PPP2R2C: variants seen among roughly 807,000 people sequenced by gnomAD.
The protein encoded by PPP2R2C is protein phosphatase 2, regulatory subunit B, gamma.
In PPP2R2C, 10 loss-of-function variants were observed where a neutral mutation model predicts 45.3. The ratio of observed to expected loss-of-function variants is 0.22; its 90% CI spans 0.14 to 0.37. The LOEUF (loss-of-function observed/expected upper bound fraction) is 0.37. Ranked by LOEUF, PPP2R2C falls within the 10% of genes least tolerant of loss-of-function variation. PPP2R2C has a pLI of 1.00. For synonymous variants in PPP2R2C, 257 were observed against 245.4 expected (o/e 1.05, Z -0.44); for missense variants, 308 against 619.7 (o/e 0.50, Z 5.34).
chr4:6,348,014 G>T lies in PPP2R2C; in HGVS notation c.626-4C>A. The T allele has an allele frequency of 6.2e-7, 1 of 1,613,426 alleles. No individual in the cohort carries two copies. Among genetic ancestry groups the T allele is most frequent in the Non-Finnish European group, 8.5e-7 (1 of 1,179,608 alleles). On this transcript the variant is annotated splice_region_variant and splice_polypyrimidine_tract_variant and intron_variant, in intron 5 of 8. Coordinates refer to ENST00000382599, the MANE Select transcript of PPP2R2C (RefSeq NM_020416.4). Reference sequence around the variant, plus strand: ...GCCGGCTTGATGTCCACGATGTCTGGGGGCAGTGCGGTCAAGGAAGGGGCA... The same window carrying T: ...GCCGGCTTGATGTCCACGATGTCTGTGGGCAGTGCGGTCAAGGAAGGGGCA...
intron 1 of PPP2R2C, among the ~76,000 whole-genome samples, chr4:6,561,608 C>T (rs1174428761): frequency 6.6e-6 from 1 of 152,094 alleles, no homozygotes; most frequent in Non-Finnish European, 1.5e-5. Flanking sequence ...TGGCTACACA[C>T]ACGGAGAGAG....
chr4:6,474,752 G>C (rs1158797547), upstream of PPP2R2C, among the ~76,000 whole-genome samples: 1 of 88,002 alleles, frequency 1.1e-5, no homozygotes, highest in Non-Finnish European at 2.0e-5. Context: ...CCCACCACAA[G>C]CAGTGTCTGG....
intron 2 of PPP2R2C, among the ~76,000 whole-genome samples, chr4:6,379,717 T>C (rs894863645): frequency 2.0e-5 from 3 of 152,220 alleles, no homozygotes; most frequent in Non-Finnish European, 4.4e-5. Context: ...AGGAACTGAT[T>C]GGCAGCTAGG....
At chr4:6,382,492 C>G (rs1346780208) in intron 1 of PPP2R2C, 1 of 1,351,958 alleles carries the variant, frequency 7.4e-7, no homozygotes, top group African/African-American at 1.5e-5. Context: ...TCCCTCTATT[C>G]AAAACCCTTC....
intron 1 of PPP2R2C, among the ~76,000 whole-genome samples, chr4:6,541,238 A>AT (rs371690665): frequency 3.0e-4 from 46 of 152,296 alleles, no homozygotes; most frequent in African/African-American, 9.4e-4. Flanking sequence ...CAGCCCCCTG[A>AT]TTTAAGTCAG....
At chr4:6,384,962 A>C in intron 1 of PPP2R2C, 1 of 592,362 alleles carries the variant, frequency 1.7e-6, no homozygotes, top group Non-Finnish European at 2.1e-6. Flanking sequence ...TAGTGTGCTT[A>C]TGGTGGAGCC....
chr4:6,475,744 T>A (rs1722119206), upstream of PPP2R2C, among the ~76,000 whole-genome samples: 2 of 152,254 alleles, frequency 1.3e-5, no homozygotes, highest in Admixed American at 1.3e-4. Flanking sequence ...TGTCTCCCTG[T>A]GCTTCTGTGC....
chr4:6,557,762 G>A (rs1421846405), intron 1 of PPP2R2C, among the ~76,000 whole-genome samples: 1 of 152,166 alleles, frequency 6.6e-6, no homozygotes, highest in Non-Finnish European at 1.5e-5. Context: ...CTTGACCTGG[G>A]GTAGTAGAGA....
rs1731791779 is a variant in PPP2R2C at position 6,324,524 on chromosome 4, C to G, written c.1053-931G>C. Among the ~76,000 whole-genome samples, 1 of 152,210 alleles carries G rather than the reference C, an allele frequency of 6.6e-6. No homozygotes were observed. The stretch of plus-strand genomic sequence containing the variant: ...TGGCCTTCCAAACAGACTGTGCAAC[C>G]ACAGCAGGAGGTAGACATGGAAGCA... On this transcript the variant is annotated intron_variant, in intron 8 of 8. Coordinates refer to ENST00000382599, the MANE Select transcript of PPP2R2C (RefSeq NM_020416.4). The surrounding 1 kb of genome is among the most constrained non-coding windows in gnomAD (Gnocchi z 4.1).
chr4:6,501,120 G>T (rs1422061807), intron 2 of PPP2R2C, among the ~76,000 whole-genome samples: 1 of 152,224 alleles, frequency 6.6e-6, no homozygotes, highest in African/African-American at 2.4e-5. Context: ...AGTGATCTGG[G>T]ATGCTGTTTT....
chr4:6,350,440 A>C, intron 5 of PPP2R2C: 1 of 985,454 alleles, frequency 1.0e-6, no homozygotes, highest in Non-Finnish European at 1.2e-6. Flanking sequence ...GAGGGGCTAC[A>C]TTCTCTCTGC....
At position 6,441,416 on chromosome 4, in the gene PPP2R2C, C is replaced by T. The variant is rs71646645; in HGVS notation, c.70+30744G>A. Among the ~76,000 whole-genome samples, 619 of 152,204 alleles carry T rather than the reference C, an allele frequency of 4.1e-3. 1 individual carries two copies. Among genetic ancestry groups the T allele is most frequent in the Middle Eastern group, 0.027 (8 of 294 alleles). ...ACGCTCCTCAGCCCGCCCCATGAGC[C>T]CCATGGGGCCTCCATCACCTGCAGC... On this transcript the variant is annotated intron_variant, in intron 1 of 8. Coordinates refer to ENST00000382599, the MANE Select transcript of PPP2R2C (RefSeq NM_020416.4).
At chr4:6,387,807 GAA>G (rs10623195) in intron 1 of PPP2R2C, among the ~76,000 whole-genome samples, 23 of 143,506 alleles carry the variant, frequency 1.6e-4, no homozygotes, top group African/African-American at 5.6e-4. Flanking sequence ...CAACAGTGAA[GAA>G]AAAAAAAAAA....
At chr4:6,426,029 A>T (rs1719278977) in intron 1 of PPP2R2C, among the ~76,000 whole-genome samples, 1 of 152,100 alleles carries the variant, frequency 6.6e-6, no homozygotes, top group Non-Finnish European at 1.5e-5. Flanking sequence ...TGCTTCCCTC[A>T]TGGCTCTGAT....
At chr4:6,355,435 G>A (rs962394483) in intron 5 of PPP2R2C, among the ~76,000 whole-genome samples, 2 of 151,814 alleles carry the variant, frequency 1.3e-5, no homozygotes, top group Non-Finnish European at 2.9e-5. Flanking sequence ...GAGTTAGTGG[G>A]TGCAGCACAC....
chr4:6,343,310 C>T (rs570688578), intron 6 of PPP2R2C, among the ~76,000 whole-genome samples: 7 of 152,254 alleles, frequency 4.6e-5, no homozygotes, highest in East Asian at 1.9e-4. Context: ...AAAACTGCTG[C>T]GCAATCTTTT....
intron 5 of PPP2R2C, among the ~76,000 whole-genome samples, chr4:6,369,623 A>T (rs4689422): frequency 6.6e-6 from 1 of 152,162 alleles, no homozygotes; most frequent in African/African-American, 2.4e-5. Flanking sequence ...TGCACCATCC[A>T]CAGTGCCACA....
rs1299826769 is a variant in PPP2R2C at position 6,331,509 on chromosome 4, A to C, written c.960+2053T>G. Among the ~76,000 whole-genome samples the C allele has an allele frequency of 6.6e-6, 1 of 152,176 alleles. No homozygotes were observed. ...TAAACCATTAATCTTCCCAGCCACT[A>C]TGGTGGCTGCCAGGGACCCATTCTA... is the stretch of plus-strand genomic sequence containing the variant. On this transcript the variant is annotated intron_variant, in intron 7 of 8. Coordinates refer to ENST00000382599, the MANE Select transcript of PPP2R2C (RefSeq NM_020416.4). The surrounding 1 kb of genome is among the most constrained non-coding windows in gnomAD (Gnocchi z 5.9).
At chr4:6,491,068 C>G (rs1157450370) in intron 2 of PPP2R2C, among the ~76,000 whole-genome samples, 1 of 152,226 alleles carries the variant, frequency 6.6e-6, no homozygotes, top group Non-Finnish European at 1.5e-5. Flanking sequence ...GGGCCCTGCT[C>G]TGTGTCACTC....
Sources: allele counts gnomAD v4.1 joint callset (sites outside exome capture counted in the v4.1 genomes callset), GRCh38; gene constraint gnomAD v4.1.1; non-coding constraint Gnocchi (gnomAD v3.1); transcripts MANE v1.5; gene names NCBI Gene and HGNC (gene_info 2026-07-23, HGNC 2026-07-21).